Variants in AJAP1 observed in about 807,000 individuals in gnomAD.
The protein encoded by AJAP1 is adherens junction-associated protein 1.
In AJAP1, 5 loss-of-function variants were observed where a neutral mutation model predicts 35.0. The observed-to-expected ratio is 0.14, with a 90% CI of 0.07 to 0.30. The LOEUF is 0.30. AJAP1 is among the 10% of genes least tolerant of loss of function. The probability of loss-of-function intolerance (pLI) is 1.00; values close to 1 mark genes in which losing one functional copy is unlikely to be tolerated. For missense variants in AJAP1, 586 were observed against 571.0 expected (o/e 1.03, Z -0.27); for synonymous variants, 284 against 249.3 (o/e 1.14, Z -1.31).
chr1:4,787,792 G>A lies in AJAP1; in HGVS notation c.*5307G>A, dbSNP rs765320854. 2.4e-5 allele frequency: 11 copies of A among 454,016 alleles called. No homozygotes were observed. The highest frequency in any genetic ancestry group is 1.8e-4 in the African/African-American group (9 of 50,044). 28.1% of individuals were successfully genotyped at this position (454,016 alleles called of 1,614,324 possible). ...GTCAGCGACTTGGCCCACGGGGCAC[G>A]GGCACCTTGGGGATGCCATTCTTCT... On this transcript the variant is annotated 3_prime_UTR_variant, in exon 6 of 6. Coordinates refer to ENST00000378191, the MANE Select transcript of AJAP1 (RefSeq NM_018836.4).
intron 1 of AJAP1, among the ~76,000 whole-genome samples, chr1:4,691,254 C>T (rs1281228527): frequency 6.6e-6 from 1 of 152,176 alleles, no homozygotes; most frequent in Non-Finnish European, 1.5e-5. Flanking sequence ...CCCTCGGGTG[C>T]TCCTCCCTCC....
At chr1:4,729,914 C>T (rs3830167) in intron 2 of AJAP1, among the ~76,000 whole-genome samples, 17,912 of 152,234 alleles carry the variant, frequency 0.12, 1,308 homozygotes, top group Admixed American at 0.25. Flanking sequence ...TTCTCAGGCA[C>T]TTGCGTGAGG....
chr1:4,667,158 C>T lies in AJAP1; in HGVS notation c.29+11704C>T, dbSNP rs114502551. On this transcript the variant is annotated intron_variant, in intron 1 of 5. Transcript: ENST00000378191. Reference sequence around the variant, plus strand: ...GGGAAGTCCCAGAGGACTCCCCAGGCGGGGAAGACAACTGGCCTGGCCCCA... The same window carrying T: ...GGGAAGTCCCAGAGGACTCCCCAGGTGGGGAAGACAACTGGCCTGGCCCCA... Among the ~76,000 whole-genome samples the T allele has an allele frequency of 6.4e-3, 967 of 152,198 alleles. 4 individuals carry two copies. The highest frequency in any genetic ancestry group is 0.01 in the Non-Finnish European group (692 of 67,990).
intron 2 of AJAP1, among the ~76,000 whole-genome samples, chr1:4,761,267 A>G (rs1344020576): frequency 1.3e-5 from 2 of 152,224 alleles, no homozygotes; most frequent in African/African-American, 2.4e-5. Flanking sequence ...GGAAAGGTGG[A>G]TTGATGCCTT....
rs570513338 is a variant in AJAP1 at position 4,754,512 on chromosome 1, A to G, written c.830-15341A>G. 4.4e-4 allele frequency among the ~76,000 whole-genome samples: 67 copies of G among 152,096 alleles called. 1 individual carries two copies. Among genetic ancestry groups the G allele is most frequent in the African/African-American group, 1.4e-3 (57 of 41,506 alleles). On this transcript the variant is annotated intron_variant, in intron 2 of 5. Transcript: ENST00000378191. ...CAGCCCATCCTCCTTGACAGTCCCA[A>G]TCTCCATTCCAAGCTTCCCAGACCA...
intron 1 of AJAP1, among the ~76,000 whole-genome samples, chr1:4,679,717 T>C (rs907219924): frequency 1.3e-5 from 2 of 152,156 alleles, no homozygotes; most frequent in Non-Finnish European, 1.5e-5. Context: ...CCACTTCACA[T>C]GGCCTTCTCC....
At chr1:4,677,089 G>A (rs1202128438) in intron 1 of AJAP1, among the ~76,000 whole-genome samples, 3 of 152,184 alleles carry the variant, frequency 2.0e-5, no homozygotes, top group Non-Finnish European at 2.9e-5. Context: ...CCTGGGAGGC[G>A]GAGGTTGCGG....
At chr1:4,743,943 TCCAGG>T in intron 2 of AJAP1, among the ~76,000 whole-genome samples, 1 of 152,106 alleles carries the variant, frequency 6.6e-6, no homozygotes, top group East Asian at 1.9e-4. Context: ...CTCCAGGCTC[TCCAGG>T]CTCTCCAGGT....
chr1:4,671,997 C>T (rs2100517107), intron 1 of AJAP1, among the ~76,000 whole-genome samples: 1 of 152,310 alleles, frequency 6.6e-6, no homozygotes, highest in Admixed American at 6.5e-5. Context: ...CAGACCCTCA[C>T]CCACCATCCC....
chr1:4,689,324 C>G (rs1434264425), intron 1 of AJAP1, among the ~76,000 whole-genome samples: 1 of 152,230 alleles, frequency 6.6e-6, no homozygotes, highest in African/African-American at 2.4e-5. Flanking sequence ...AACAACTAAA[C>G]AAGCAATTTG....
chr1:4,668,344 G>GCA (rs1557601148), intron 1 of AJAP1, among the ~76,000 whole-genome samples: 1 of 143,708 alleles, frequency 7.0e-6, no homozygotes, highest in East Asian at 2.1e-4. Flanking sequence ...GTGCGTGTGC[G>GCA]TGTGTGTGTG....
At chr1:4,688,505 G>A (rs766554685) in intron 1 of AJAP1, among the ~76,000 whole-genome samples, 1 of 152,128 alleles carries the variant, frequency 6.6e-6, no homozygotes, top group Non-Finnish European at 1.5e-5. Context: ...AGGTGCGGTG[G>A]CTCACACCTG....
At position 4,787,632 on chromosome 1, in the gene AJAP1, GC is replaced by G. The variant is rs1377958474; in HGVS notation, c.*5150del. The G allele has an allele frequency of 2.2e-6, 1 of 455,252 alleles. No individual in the cohort carries two copies. Among genetic ancestry groups the G allele is most frequent in the African/African-American group, 2.0e-5 (1 of 50,188 alleles). The allele number at this position is 455,252 out of a possible 1,614,324, so 28.2% of individuals were successfully genotyped here. A position where few individuals can be genotyped will look rare whatever the true frequency, so the allele number is the denominator to read the frequency against. On this transcript the variant is annotated 3_prime_UTR_variant, in exon 6 of 6. Coordinates refer to ENST00000378191, the MANE Select transcript of AJAP1 (RefSeq NM_018836.4). ...GGGCAGGGGCAGGATGAGGGCTGCT[GC>G]CCTGGTGATGAGCTTGCCCCATCCC...
intron 1 of AJAP1, among the ~76,000 whole-genome samples, chr1:4,697,352 T>C (rs1263528902): frequency 1.3e-5 from 2 of 152,260 alleles, no homozygotes; most frequent in Non-Finnish European, 2.9e-5. Context: ...AGGAAGCCAT[T>C]TGTGGCTTCG....
intron 2 of AJAP1, among the ~76,000 whole-genome samples, chr1:4,716,987 A>G (rs1295200148): frequency 6.6e-6 from 1 of 152,208 alleles, no homozygotes; most frequent in African/African-American, 2.4e-5. Context: ...CTCCAGCCTC[A>G]CGTGAGCACT....
At chr1:4,769,676 G>C (rs1641789556) in intron 2 of AJAP1, among the ~76,000 whole-genome samples, 177 bp from the exon 3 acceptor site, 1 of 152,174 alleles carries the variant, frequency 6.6e-6, no homozygotes, top group African/African-American at 2.4e-5. Flanking sequence ...CATGCCCGGG[G>C]CCTGCAGTCG....
intron 3 of AJAP1, among the ~76,000 whole-genome samples, chr1:4,770,176 G>A (rs1385120205): frequency 6.6e-6 from 1 of 152,178 alleles, no homozygotes; most frequent in Non-Finnish European, 1.5e-5. Flanking sequence ...TTCTCAGGGT[G>A]CGTGTGGTCC....
chr1:4,675,829 G>A (rs749284923), intron 1 of AJAP1, among the ~76,000 whole-genome samples: 25 of 152,222 alleles, frequency 1.6e-4, no homozygotes, highest in Admixed American at 5.2e-4. Flanking sequence ...AGTTAAACCT[G>A]CCCTGAAGAT....
intron 2 of AJAP1, among the ~76,000 whole-genome samples, chr1:4,748,289 A>G (rs1453798459): frequency 6.6e-6 from 1 of 151,914 alleles, no homozygotes; most frequent in African/African-American, 2.4e-5. Flanking sequence ...GTGCGTGATC[A>G]CCCTGCTGTG....
Sources: allele counts gnomAD v4.1 joint callset (sites outside exome capture counted in the v4.1 genomes callset), GRCh38; gene constraint gnomAD v4.1.1; transcripts MANE v1.5; gene names NCBI Gene and HGNC (gene_info 2026-07-23, HGNC 2026-07-21).